Variants in SDHAF4 observed in about 807,000 individuals in gnomAD.
SDHAF4 encodes the protein succinate dehydrogenase complex assembly factor 4, also known as succinate dehydrogenase assembly factor 4, mitochondrial.
SDHAF4 carries 14 observed loss-of-function variants against 14.3 expected under a neutral mutation model. The observed-to-expected ratio is 0.98, with a 90% CI of 0.65 to 1.53. The LOEUF is 1.53. Ranked by LOEUF, SDHAF4 falls within the 40% of genes most tolerant of loss-of-function variation. The probability of loss-of-function intolerance (pLI) is 0.00; values close to 1 mark genes in which losing one functional copy is unlikely to be tolerated. For missense variants in SDHAF4, 141 were observed against 129.3 expected, an observed-to-expected ratio of 1.09 and a Z score of -0.44; for synonymous variants, 63 against 47.3, an observed-to-expected ratio of 1.33 and a Z score of -1.36.
chr6:70,585,226 A>T (rs1765181542), intron 2 of SDHAF4, among the ~76,000 whole-genome samples: 1 of 152,202 alleles, frequency 6.6e-6, no homozygotes, highest in South Asian at 2.1e-4. Context: ...TCTTTAAGAG[A>T]TGGAACTGTT....
chr6:70,579,359 T>A, intron 1 of SDHAF4, 55 bp from the exon 2 acceptor site: 1 of 1,286,254 alleles, frequency 7.8e-7, no homozygotes, highest in Non-Finnish European at 1.0e-6. Flanking sequence ...TTTATAAATG[T>A]TTAAAGTGGA....
At chr6:70,583,940 GT>G (rs2128535739) in intron 2 of SDHAF4, among the ~76,000 whole-genome samples, 1 of 152,340 alleles carries the variant, frequency 6.6e-6, no homozygotes, top group East Asian at 1.9e-4. Context: ...GATAGAGGTT[GT>G]TTTAATTAGC....
chr6:70,571,881 AGGTTTCC>A (rs1462443360), intron 1 of SDHAF4, among the ~76,000 whole-genome samples: 4 of 151,906 alleles, frequency 2.6e-5, no homozygotes, highest in Admixed American at 2.6e-4. Flanking sequence ...TTTTCTGGAA[AGGTTTCC>A]ATTTTGTATT....
At chr6:70,575,513 C>A (rs1802243003) in intron 1 of SDHAF4, among the ~76,000 whole-genome samples, 1 of 149,586 alleles carries the variant, frequency 6.7e-6, no homozygotes, top group South Asian at 2.1e-4. Context: ...TAAGTGTAGC[C>A]ATTTCACTTT....
At chr6:70,576,013 C>T (rs1373558491) in intron 1 of SDHAF4, among the ~76,000 whole-genome samples, 2 of 152,206 alleles carry the variant, frequency 1.3e-5, no homozygotes, top group African/African-American at 4.8e-5. Flanking sequence ...TCAACACCTA[C>T]TGTTTAATAG....
downstream of SDHAF4, among the ~76,000 whole-genome samples, chr6:70,593,859 T>A (rs1765279757): frequency 6.8e-6 from 1 of 147,138 alleles, no homozygotes; most frequent in Non-Finnish European, 1.5e-5. Context: ...GCCTGGCTAA[T>A]TTTTTTTGTA....
chr6:70,571,607 C>T (rs577337371), intron 1 of SDHAF4, among the ~76,000 whole-genome samples: 1 of 152,278 alleles, frequency 6.6e-6, no homozygotes, highest in East Asian at 1.9e-4. Flanking sequence ...GCCACCGCGC[C>T]CAGCCTTCCC....
intron 1 of SDHAF4, among the ~76,000 whole-genome samples, chr6:70,574,070 C>T (rs2128534145): frequency 6.6e-6 from 1 of 152,068 alleles, no homozygotes; most frequent in Admixed American, 6.5e-5. Context: ...CCTGTAATCC[C>T]AGCACTTTGG....
downstream of SDHAF4, among the ~76,000 whole-genome samples, chr6:70,593,014 C>G (rs9455181): frequency 2.6e-5 from 4 of 152,270 alleles, no homozygotes; most frequent in African/African-American, 9.6e-5. Context: ...CCAGGGCACT[C>G]TCTAAGGGCT....
At chr6:70,586,273 T>G (rs1287524008) in intron 2 of SDHAF4, among the ~76,000 whole-genome samples, 1 of 152,178 alleles carries the variant, frequency 6.6e-6, no homozygotes, top group Non-Finnish European at 1.5e-5. Flanking sequence ...GGGTTTGAAC[T>G]GGAGCTCTCA....
chr6:70,578,617 A>G (rs945624629), intron 1 of SDHAF4, among the ~76,000 whole-genome samples: 2 of 149,600 alleles, frequency 1.3e-5, no homozygotes, highest in Non-Finnish European at 3.0e-5. Context: ...TTGTTGTTGC[A>G]GTTGCTTTTG....
chr6:70,585,749 G>A (rs1025333148), intron 2 of SDHAF4, among the ~76,000 whole-genome samples: 54 of 152,148 alleles, frequency 3.5e-4, no homozygotes, highest in African/African-American at 1.2e-3. Context: ...ATGGGGGAGA[G>A]TTTATTCACA....
At chr6:70,583,225 G>A (rs561530574) in intron 2 of SDHAF4, among the ~76,000 whole-genome samples, 1 of 152,282 alleles carries the variant, frequency 6.6e-6, no homozygotes, top group East Asian at 1.9e-4. Context: ...CGATTCTCCT[G>A]CCTCAGCCTC....
chr6:70,588,000 G>A (rs1340436301), intron 2 of SDHAF4, among the ~76,000 whole-genome samples: 1 of 152,172 alleles, frequency 6.6e-6, no homozygotes, highest in Non-Finnish European at 1.5e-5. Context: ...TAACAACACA[G>A]TGAGAGAAGT....
At chr6:70,580,926 A>G (rs1175411249) in intron 2 of SDHAF4, among the ~76,000 whole-genome samples, 2 of 151,732 alleles carry the variant, frequency 1.3e-5, no homozygotes, top group Non-Finnish European at 2.9e-5. Flanking sequence ...TTGTGAATAT[A>G]TTTTTGTTGT....
chr6:70,571,674 C>T (rs1460143818), intron 1 of SDHAF4, among the ~76,000 whole-genome samples: 1 of 152,204 alleles, frequency 6.6e-6, no homozygotes, highest in Non-Finnish European at 1.5e-5. Flanking sequence ...ATTCTACTCA[C>T]TCTTTTCCCT....
downstream of SDHAF4, among the ~76,000 whole-genome samples, chr6:70,591,597 G>C (rs1456483521): frequency 1.3e-5 from 2 of 151,992 alleles, no homozygotes; most frequent in East Asian, 3.9e-4. Context: ...CCAAAGTGCT[G>C]GGCCAGGTGT....
At chr6:70,575,126 G>A (rs1034045966) in intron 1 of SDHAF4, among the ~76,000 whole-genome samples, 5 of 152,126 alleles carry the variant, frequency 3.3e-5, no homozygotes, top group Admixed American at 1.3e-4. Flanking sequence ...GCCTGTAATC[G>A]CAATACTTTG....
At chr6:70,587,168 T>TCACACACACACACA (rs56012930) in intron 2 of SDHAF4, among the ~76,000 whole-genome samples, 3,462 of 135,476 alleles carry the variant, frequency 0.026, 110 homozygotes, top group African/African-American at 0.066. Context: ...TGAAACTCCA[T>TCACACACACACACA]CACACACACA....
Sources: gnomAD v4.1 joint callset for allele counts (sites outside exome capture counted in the v4.1 genomes callset) on GRCh38, gnomAD v4.1.1 for gene constraint, MANE v1.5 for transcripts, NCBI Gene and HGNC (gene_info 2026-07-23, HGNC 2026-07-21) for gene names.